The following DLGAP1 variants were observed in gnomAD, a reference collection of about 807,000 sequenced individuals.
The protein encoded by DLGAP1 is DLG associated protein 1.
DLGAP1 carries 11 observed loss-of-function variants against 90.8 expected under a neutral mutation model. The ratio of observed to expected loss-of-function variants is 0.12; its 90% CI spans 0.08 to 0.20. The LOEUF is 0.20. DLGAP1 is among the 10% of genes least tolerant of loss of function. The pLI, the probability that DLGAP1 is intolerant of heterozygous loss-of-function variation, is 1.00. For missense variants in DLGAP1, 1,050 were observed against 1,333.8 expected (o/e 0.79, Z 3.31); for synonymous variants, 558 against 540.7 (o/e 1.03, Z -0.44).
chr18:4,367,414 A>C (rs1262582861), intron 1 of DLGAP1, among the ~76,000 whole-genome samples: 2 of 152,018 alleles, frequency 1.3e-5, no homozygotes, highest in Admixed American at 1.3e-4. Context: ...TTACCAAGTA[A>C]GTTTTCTTTA....
At chr18:3,643,716 A>G (rs1426480938) in intron 7 of DLGAP1, among the ~76,000 whole-genome samples, 1 of 151,782 alleles carries the variant, frequency 6.6e-6, no homozygotes, top group Non-Finnish European at 1.5e-5. Context: ...CAGTTCATTG[A>G]AAAGGAAATA....
chr18:3,906,793 C>T (rs1450512187), intron 3 of DLGAP1, among the ~76,000 whole-genome samples: 3 of 152,108 alleles, frequency 2.0e-5, no homozygotes, highest in African/African-American at 7.2e-5. Flanking sequence ...TTTAAATAAA[C>T]TGACATTGGA....
At chr18:3,582,292 TTTTAA>T in intron 7 of DLGAP1, 44 bp from the exon 8 acceptor site, 1 of 1,573,502 alleles carries the variant, frequency 6.4e-7, no homozygotes, top group Non-Finnish European at 8.6e-7. Context: ...TCTGCGTGGG[TTTTAA>T]TTTCTGATAT....
chr18:3,765,330 C>T (rs527973620), intron 5 of DLGAP1, among the ~76,000 whole-genome samples: 92 of 150,208 alleles, frequency 6.1e-4, no homozygotes, highest in Non-Finnish European at 1.1e-3. Context: ...TGGGGTTTCA[C>T]CATGTTAGCC....
chr18:4,112,536 T>C (rs1347152929), intron 2 of DLGAP1, among the ~76,000 whole-genome samples: 8 of 152,178 alleles, frequency 5.3e-5, no homozygotes, highest in Non-Finnish European at 1.2e-4. Flanking sequence ...ATTGTTGAAT[T>C]ATCCATTTCT....
At chr18:3,661,610 T>C (rs1165536019) in intron 7 of DLGAP1, among the ~76,000 whole-genome samples, 2 of 148,520 alleles carry the variant, frequency 1.3e-5, no homozygotes, top group Non-Finnish European at 3.0e-5. Flanking sequence ...AGAGTTTCAC[T>C]TTGTTGCCCA....
intron 4 of DLGAP1, among the ~76,000 whole-genome samples, chr18:3,868,408 A>C (rs993108988): frequency 1.3e-5 from 2 of 152,146 alleles, no homozygotes; most frequent in African/African-American, 4.8e-5. Flanking sequence ...AGTCCTGTAG[A>C]AAGGCCTCTC....
intron 1 of DLGAP1, among the ~76,000 whole-genome samples, chr18:4,422,806 A>T (rs1205068547): frequency 6.6e-6 from 1 of 152,118 alleles, no homozygotes; most frequent in African/African-American, 2.4e-5. Context: ...CATTATATTT[A>T]AGAAAAAGCG....
chr18:4,168,961 A>T (rs542176355), intron 1 of DLGAP1, among the ~76,000 whole-genome samples: 1 of 152,274 alleles, frequency 6.6e-6, no homozygotes, highest in East Asian at 1.9e-4. Flanking sequence ...TTATAGACAC[A>T]TGGGTTGTTT....
At chr18:3,966,282 A>C (rs2148995122) in intron 3 of DLGAP1, among the ~76,000 whole-genome samples, 1 of 152,124 alleles carries the variant, frequency 6.6e-6, no homozygotes, top group Admixed American at 6.5e-5. Context: ...GGGAAGTAGT[A>C]GGAGATGAGG....
chr18:3,955,873 TAGAAAC>T (rs754521588), intron 3 of DLGAP1, among the ~76,000 whole-genome samples: 13 of 152,070 alleles, frequency 8.5e-5, no homozygotes, highest in Non-Finnish European at 1.5e-4. Flanking sequence ...CCTGAAGACA[TAGAAAC>T]AGAAACTTTC....
intron 8 of DLGAP1, among the ~76,000 whole-genome samples, chr18:3,573,268 G>T (rs990295395): frequency 6.6e-5 from 10 of 152,120 alleles, no homozygotes; most frequent in African/African-American, 2.4e-4. Flanking sequence ...TTGGGAAGCC[G>T]AGACGGGCAG....
chr18:3,558,240 G>A (rs1431770519), intron 9 of DLGAP1, among the ~76,000 whole-genome samples: 2 of 151,824 alleles, frequency 1.3e-5, no homozygotes, highest in Non-Finnish European at 2.9e-5. Context: ...TGTAGTTTTT[G>A]TTTGTTTGTT....
intron 7 of DLGAP1, among the ~76,000 whole-genome samples, chr18:3,637,095 A>G (rs757688882): frequency 7.9e-5 from 12 of 152,200 alleles, no homozygotes; most frequent in Non-Finnish European, 1.3e-4. Context: ...ACAAAACTGA[A>G]CTATCACAAA....
At chr18:4,235,733 T>TTC (rs1314616616) in intron 1 of DLGAP1, among the ~76,000 whole-genome samples, 4 of 140,390 alleles carry the variant, frequency 2.8e-5, no homozygotes, top group Non-Finnish European at 4.6e-5. Context: ...TTTTTTTTTT[T>TTC]TTTTTTTTTT....
chr18:4,247,020 T>C (rs1004143687), intron 1 of DLGAP1, among the ~76,000 whole-genome samples: 3 of 152,272 alleles, frequency 2.0e-5, no homozygotes, highest in African/African-American at 7.2e-5. Flanking sequence ...TCTAAAATGC[T>C]TCGGTTATGT....
intron 9 of DLGAP1, among the ~76,000 whole-genome samples, chr18:3,540,301 C>T (rs7244116): frequency 0.031 from 4,647 of 151,130 alleles, 195 homozygotes; most frequent in African/African-American, 0.09. Context: ...ATCCCGTCTC[C>T]ACTAAAAATA....
intron 3 of DLGAP1, among the ~76,000 whole-genome samples, chr18:3,972,145 T>C (rs948369493): frequency 3.9e-5 from 5 of 126,838 alleles, no homozygotes; most frequent in Non-Finnish European, 7.7e-5. Flanking sequence ...TGTTTTTAAA[T>C]TTTTTATGAG....
chr18:4,441,932 C>G (rs1165532564), intron 1 of DLGAP1, among the ~76,000 whole-genome samples: 5 of 152,204 alleles, frequency 3.3e-5, no homozygotes, highest in Non-Finnish European at 7.3e-5. Context: ...CAATTATCAG[C>G]TCCACCCATG....
Sources: gnomAD v4.1 joint callset for allele counts (sites outside exome capture counted in the v4.1 genomes callset) on GRCh38, gnomAD v4.1.1 for gene constraint, MANE v1.5 for transcripts, NCBI Gene and HGNC (gene_info 2026-07-23, HGNC 2026-07-21) for gene names.